The following NRXN1 variants were observed in gnomAD, a reference collection of about 807,000 sequenced individuals.
NRXN1 encodes neurexin 1.
A neutral mutation model predicts 150.9 loss-of-function variants in NRXN1; 39 were observed. That is an observed-to-expected ratio of 0.26 (90% CI 0.20 to 0.34). NRXN1 has a LOEUF of 0.34. Ranked by LOEUF, NRXN1 falls within the 10% of genes least tolerant of loss-of-function variation. The pLI is 1.00. For missense variants in NRXN1, 1,815 were observed against 1,949.9 expected (o/e 0.93, Z 1.30); for synonymous variants, 924 against 757.0 (o/e 1.22, Z -3.62).
chr2:50,165,465 C>G (rs2059621029), intron 18 of NRXN1, among the ~76,000 whole-genome samples: 1 of 152,206 alleles, frequency 6.6e-6, no homozygotes, highest in Non-Finnish European at 1.5e-5. Context: ...TCTCTTGCCT[C>G]AGCCTCCCGA....
intron 17 of NRXN1, among the ~76,000 whole-genome samples, chr2:50,435,197 G>A (rs1303146868): frequency 2.0e-5 from 3 of 152,068 alleles, no homozygotes; most frequent in African/African-American, 7.2e-5. Context: ...GCAGAAATGG[G>A]TTCAAGTTCC....
intron 17 of NRXN1, among the ~76,000 whole-genome samples, chr2:50,378,978 T>C (rs905528415): frequency 8.5e-5 from 13 of 152,110 alleles, no homozygotes; most frequent in Admixed American, 7.9e-4. Flanking sequence ...TCCAGAGAGA[T>C]TATGGACCTT....
chr2:50,234,480 G>A (rs1459429787), intron 18 of NRXN1, among the ~76,000 whole-genome samples: 2 of 152,054 alleles, frequency 1.3e-5, no homozygotes, highest in Non-Finnish European at 2.9e-5. Context: ...GGCAACAAGA[G>A]CGAAACTTTG....
At chr2:50,759,834 G>A (rs1434781672) in intron 5 of NRXN1, among the ~76,000 whole-genome samples, 3 of 74,722 alleles carry the variant, frequency 4.0e-5, no homozygotes, top group East Asian at 3.5e-3. Context: ...AGCTGTGTGT[G>A]TGTGTGTGTG....
At chr2:50,417,694 G>T (rs563606067) in intron 17 of NRXN1, among the ~76,000 whole-genome samples, 1 of 152,010 alleles carries the variant, frequency 6.6e-6, no homozygotes, top group South Asian at 2.1e-4. Context: ...AACTTGTTTG[G>T]TGGGGAGGGA....
At chr2:50,027,147 G>A (rs959737497) in intron 21 of NRXN1, among the ~76,000 whole-genome samples, 2 of 151,962 alleles carry the variant, frequency 1.3e-5, no homozygotes, top group African/African-American at 4.8e-5. Flanking sequence ...TTCCCAAAGT[G>A]TTGGGATTAC....
At chr2:50,618,169 T>C (rs1679347651) in intron 8 of NRXN1, among the ~76,000 whole-genome samples, 2 of 152,162 alleles carry the variant, frequency 1.3e-5, no homozygotes, top group Admixed American at 1.3e-4. Context: ...AGGAAGTTGG[T>C]ACAGGTGATT....
At chr2:50,950,068 G>C (rs1489625535) in intron 2 of NRXN1, among the ~76,000 whole-genome samples, 2 of 152,132 alleles carry the variant, frequency 1.3e-5, no homozygotes, top group Non-Finnish European at 2.9e-5. Flanking sequence ...AACAACACTG[G>C]AACTATCTCC....
chr2:50,192,022 T>G (rs1040772712), intron 18 of NRXN1, among the ~76,000 whole-genome samples: 1 of 152,168 alleles, frequency 6.6e-6, no homozygotes. Flanking sequence ...TCATAAAGTT[T>G]TTTTTTAAGT....
intron 17 of NRXN1, among the ~76,000 whole-genome samples, chr2:50,294,661 G>C (rs1425966543): frequency 1.3e-5 from 2 of 152,270 alleles, no homozygotes; most frequent in African/African-American, 4.8e-5. Flanking sequence ...TTCTGGAGAA[G>C]GAATGGTATT....
In NRXN1 at chr2:50,497,379, T is replaced by C. The variant is rs766293217; in HGVS notation, c.2833A>G (p.Asn945Asp). ...ATAAAGTCATTTCCATCCCCACTGT[T>C]ATATAGAATTAATCCATCTAGGGAT... ...TTSLDGLILY[N>D]SGDGNDFIVV... is the part of the protein sequence containing the mutation. The change falls in exon 14 of 23, where the codon AAC becomes GAC. Residue 945 changes from asparagine to aspartate, a missense_variant. By Grantham distance (23) the Asn-to-Asp change is conservative. Transcript: ENST00000401669. 6.3e-7 allele frequency: 1 copy of C among 1,576,626 alleles called. No homozygotes were observed. The highest frequency in any genetic ancestry group is 1.2e-5 in the South Asian group (1 of 83,766).
Position 50,864,607 on chromosome 2 carries a change from C to T in NRXN1, c.832+57262G>A, listed in dbSNP as rs1195293287. ...TTAAAAATCTATGTAGAACCCACAA[C>T]CCCCCATAATACTGCCATATCACAA... On this transcript the variant is annotated intron_variant, in intron 5 of 22. Transcript: ENST00000401669. Among the ~76,000 whole-genome samples, 4 of 151,988 alleles carry T rather than the reference C, an allele frequency of 2.6e-5. No individual in the cohort carries two copies. In the South Asian group the frequency reaches 6.2e-4, roughly 24 times the overall value.
chr2:49,922,995 T>TAATA (rs886661253), intron 22 of NRXN1, among the ~76,000 whole-genome samples: 181 of 152,282 alleles, frequency 1.2e-3, no homozygotes, highest in African/African-American at 4.3e-3. Flanking sequence ...CTGAACTACC[T>TAATA]AATAGATTAG....
intron 17 of NRXN1, among the ~76,000 whole-genome samples, chr2:50,277,473 C>CT (rs894436945): frequency 1.7e-4 from 25 of 142,982 alleles, no homozygotes; most frequent in African/African-American, 6.5e-4. Context: ...TCCTTCCCTT[C>CT]TTTTTCCTTC....
intron 21 of NRXN1, among the ~76,000 whole-genome samples, chr2:50,005,128 A>C (rs1369295): frequency 0.84 from 127,358 of 152,076 alleles, 53,408 homozygotes; most frequent in Middle Eastern, 0.89. Context: ...TGTATTTATT[A>C]TTTCTGCTGC....
intron 17 of NRXN1, among the ~76,000 whole-genome samples, chr2:50,252,233 C>CTTTTTTTTTTTCTTTTTTTTTTTTTTTTT (rs2067173937): frequency 1.1e-5 from 1 of 94,918 alleles, no homozygotes; most frequent in African/African-American, 4.2e-5. Flanking sequence ...ACATTTTGTC[C>CTTTTTTTTTTTCTTTTTTTTTTTTTTTTT]TTTTTTTTTT....
chr2:50,710,132 G>A (rs1366794502), intron 5 of NRXN1, among the ~76,000 whole-genome samples: 2 of 152,158 alleles, frequency 1.3e-5, no homozygotes, highest in East Asian at 3.9e-4. Context: ...TACATTGTGG[G>A]TGAACAGGGA....
At chr2:50,241,662 A>C (rs1480079393) in intron 17 of NRXN1, among the ~76,000 whole-genome samples, 2 of 151,768 alleles carry the variant, frequency 1.3e-5, no homozygotes, top group Non-Finnish European at 1.5e-5. Context: ...CACTCCAATA[A>C]ATGTTTGTAA....
At chr2:50,168,792 T>C (rs1440276560) in intron 18 of NRXN1, among the ~76,000 whole-genome samples, 3 of 152,214 alleles carry the variant, frequency 2.0e-5, no homozygotes, top group African/African-American at 4.8e-5. Context: ...GCCTCTTCAA[T>C]AGCCATCCAA....
Sources: gnomAD v4.1 joint callset for allele counts (sites outside exome capture counted in the v4.1 genomes callset) on GRCh38, gnomAD v4.1.1 for gene constraint, MANE v1.5 for transcripts, NCBI Gene and HGNC (gene_info 2026-07-23, HGNC 2026-07-21) for gene names.